The following KCNQ5 variants were observed in gnomAD, a reference collection of about 807,000 sequenced individuals.
The protein encoded by KCNQ5 is potassium voltage-gated channel subfamily Q member 5, also known as potassium voltage-gated channel subfamily KQT member 5.
Under a neutral mutation model 98.2 loss-of-function variants are expected in KCNQ5, and 30 were observed. That is an observed-to-expected ratio of 0.31 (90% CI 0.23 to 0.41). KCNQ5 has a LOEUF of 0.41. KCNQ5 is among the 10% of genes least tolerant of loss of function. The pLI, the probability that KCNQ5 is intolerant of heterozygous loss-of-function variation, is 1.00. For missense variants in KCNQ5, 835 were observed against 1,182.5 expected (o/e 0.71, Z 4.31); for synonymous variants, 458 against 449.4 (o/e 1.02, Z -0.24).
In KCNQ5 at chr6:72,664,660, AAAACAAACAAAC is replaced by A. The variant is rs146656242; in HGVS notation, c.398+42097_398+42108del. Among the ~76,000 whole-genome samples the A allele has an allele frequency of 6.1e-3, 916 of 150,604 alleles. 3 individuals carry two copies. Among genetic ancestry groups the A allele is most frequent in the Middle Eastern group, 0.024 (7 of 294 alleles). ...AACAGAGCAAGACTCTGTCTCAAGA[AAAACAAACAAAC>A]AAACAAACAAACAAACAAACAAAAA... On this transcript the variant is annotated intron_variant, in intron 1 of 13. Transcript: ENST00000370398.
intron 1 of KCNQ5, among the ~76,000 whole-genome samples, chr6:72,939,927 G>A (rs1022303433): frequency 2.8e-4 from 42 of 152,114 alleles, no homozygotes; most frequent in Non-Finnish European, 1.5e-4. Flanking sequence ...TTTACCCATT[G>A]GTTTTCTCTG....
At chr6:73,184,680 A>C (rs1398700159) in intron 11 of KCNQ5, among the ~76,000 whole-genome samples, 1 of 152,256 alleles carries the variant, frequency 6.6e-6, no homozygotes, top group Non-Finnish European at 1.5e-5. Context: ...ATTTGAAAGC[A>C]CAGAGAAAGA....
chr6:73,086,725 A>T (rs1774002741), intron 5 of KCNQ5, among the ~76,000 whole-genome samples: 1 of 152,236 alleles, frequency 6.6e-6, no homozygotes, highest in Non-Finnish European at 1.5e-5. Context: ...AAGAATCCCT[A>T]CCCAAAGAAA....
intron 1 of KCNQ5, among the ~76,000 whole-genome samples, chr6:72,739,913 A>G (rs1771043638): frequency 6.6e-6 from 1 of 152,206 alleles, no homozygotes; most frequent in Admixed American, 6.5e-5. Context: ...ATCTCTGGGT[A>G]ACAAGATACC....
At chr6:72,766,177 G>A (rs1772560401) in intron 1 of KCNQ5, among the ~76,000 whole-genome samples, 1 of 152,000 alleles carries the variant, frequency 6.6e-6, no homozygotes, top group Admixed American at 6.6e-5. Flanking sequence ...GGACAAAAGG[G>A]ACTCAGACAG....
At chr6:72,933,139 A>G (rs1312132166) in intron 1 of KCNQ5, among the ~76,000 whole-genome samples, 1 of 152,202 alleles carries the variant, frequency 6.6e-6, no homozygotes, top group Non-Finnish European at 1.5e-5. Context: ...TATATTTTGG[A>G]GTATGATAAA....
intron 1 of KCNQ5, among the ~76,000 whole-genome samples, chr6:72,739,509 T>C (rs550034594): frequency 6.6e-6 from 1 of 152,380 alleles, no homozygotes; most frequent in East Asian, 1.9e-4. Flanking sequence ...CTATTGCTTC[T>C]GAACTTCCTT....
chr6:73,155,678 T>G (rs189917595), intron 10 of KCNQ5, among the ~76,000 whole-genome samples: 92 of 152,294 alleles, frequency 6.0e-4, no homozygotes, highest in African/African-American at 2.1e-3. Context: ...AGGAAGAGAT[T>G]GGAAGGGAAT....
Position 73,149,053 on chromosome 6 carries a change from G to A in KCNQ5, c.1468+15412G>A, listed in dbSNP as rs373342271. 4.6e-5 allele frequency among the ~76,000 whole-genome samples: 7 copies of A among 152,300 alleles called. No individual in the cohort carries two copies. In the East Asian group the frequency reaches 1.2e-3, roughly 25 times the overall value. ...GACATACTGAAAAGTAAAATTGAGG[G>A]ATGTGAACCAGGTAGAAAATACTGT... On this transcript the variant is annotated intron_variant, in intron 10 of 13. Transcript: ENST00000370398.
intron 2 of KCNQ5, among the ~76,000 whole-genome samples, chr6:73,024,931 T>A (rs907751313): frequency 6.6e-6 from 1 of 152,222 alleles, no homozygotes; most frequent in Non-Finnish European, 1.5e-5. Context: ...TTCAATTAAG[T>A]AATAGTATCA....
chr6:73,144,709 A>T (rs547059067), intron 10 of KCNQ5, among the ~76,000 whole-genome samples: 1 of 152,340 alleles, frequency 6.6e-6, no homozygotes, highest in South Asian at 2.1e-4. Flanking sequence ...GAACTGACTC[A>T]TGCTCTGTGT....
chr6:72,770,569 C>G (rs1481846496), intron 1 of KCNQ5, among the ~76,000 whole-genome samples: 1 of 151,916 alleles, frequency 6.6e-6, no homozygotes, highest in African/African-American at 2.4e-5. Context: ...ATTTATAAAT[C>G]AAAAATATTT....
intron 3 of KCNQ5, among the ~76,000 whole-genome samples, chr6:73,048,954 T>A (rs969898531): frequency 1.3e-5 from 2 of 152,204 alleles, no homozygotes; most frequent in Non-Finnish European, 2.9e-5. Context: ...TGTTTATTTC[T>A]TTTGAGAAAT....
At chr6:73,099,515 G>C (rs1774670786) in intron 5 of KCNQ5, among the ~76,000 whole-genome samples, 1 of 152,072 alleles carries the variant, frequency 6.6e-6, no homozygotes, top group African/African-American at 2.4e-5. Flanking sequence ...AACCGAAAAA[G>C]AGCAGGAGTA....
In KCNQ5 at chr6:72,721,947, T is replaced by C. The variant is rs371300511; in HGVS notation, c.398+99360T>C. On this transcript the variant is annotated intron_variant, in intron 1 of 13. Transcript: ENST00000370398. ...GGCAAAGGAACTTTGCAGATGTGCC[T>C]AAATTAAAGATCTTGAGATGGGAAG... Among the ~76,000 whole-genome samples the C allele has an allele frequency of 3.9e-5, 6 of 152,252 alleles. No homozygotes were observed. In the East Asian group the frequency reaches 1.2e-3, roughly 29 times the overall value.
rs139506302 is a variant in KCNQ5 at position 72,841,103 on chromosome 6, AC to A, written c.399-162803del. On this transcript the variant is annotated intron_variant, in intron 1 of 13. Coordinates refer to ENST00000370398, the MANE Select transcript of KCNQ5 (RefSeq NM_019842.4). ...GCCAAGAAAGTCCAACTTAAATCTCACCTACTGCCTCAGTCACTGCCATGAC... is the reference window on the plus strand; with the variant it reads ...GCCAAGAAAGTCCAACTTAAATCTCACTACTGCCTCAGTCACTGCCATGAC... Among the ~76,000 whole-genome samples the A allele has an allele frequency of 5.8e-3, 879 of 152,274 alleles. 5 individuals are homozygous for A. Among genetic ancestry groups the A allele is most frequent in the African/African-American group, 0.02 (832 of 41,558 alleles).
intron 1 of KCNQ5, among the ~76,000 whole-genome samples, chr6:72,917,622 G>C (rs886524305): frequency 6.6e-6 from 1 of 151,966 alleles, no homozygotes; most frequent in African/African-American, 2.4e-5. Flanking sequence ...ACAGGCACAT[G>C]CCACCACACC....
chr6:73,132,036 T>C (rs1025409155), intron 9 of KCNQ5, among the ~76,000 whole-genome samples: 7 of 152,216 alleles, frequency 4.6e-5, no homozygotes, highest in African/African-American at 1.7e-4. Flanking sequence ...GGTGCCCTTT[T>C]AGAATATCGT....
At chr6:72,954,263 T>A (rs1246450311) in intron 1 of KCNQ5, among the ~76,000 whole-genome samples, 1 of 152,116 alleles carries the variant, frequency 6.6e-6, no homozygotes. Flanking sequence ...TGCAGACCTG[T>A]ATGCCTTTAC....
Sources: allele counts gnomAD v4.1 joint callset (sites outside exome capture counted in the v4.1 genomes callset), GRCh38; gene constraint gnomAD v4.1.1; transcripts MANE v1.5; gene names NCBI Gene and HGNC (gene_info 2026-07-23, HGNC 2026-07-21).